CNTN6: variants seen among roughly 807,000 people sequenced by gnomAD.
CNTN6 encodes contactin-6.
Under a neutral mutation model 122.8 loss-of-function variants are expected in CNTN6, and 137 were observed. The observed-to-expected ratio is 1.12, with a 90% CI of 0.97 to 1.29. The LOEUF is 1.29. Among genes scored for constraint, CNTN6 ranks in the 50% most tolerant of loss-of-function variants. The pLI is 0.00. For synonymous variants in CNTN6, 570 were observed against 426.0 expected (o/e 1.34, Z -4.16); for missense variants, 1,634 against 1,223.4 (o/e 1.34, Z -5.01).
intron 4 of CNTN6, among the ~76,000 whole-genome samples, chr3:1,245,274 TACAC>T (rs1225069971): frequency 2.5e-4 from 1 of 4,004 alleles, no homozygotes; most frequent in Non-Finnish European, 4.2e-4. Context: ...TATATATATA[TACAC>T]ACACATATAT....
At chr3:1,165,016 T>G (rs1195826993) in intron 2 of CNTN6, among the ~76,000 whole-genome samples, 1 of 152,216 alleles carries the variant, frequency 6.6e-6, no homozygotes, top group Non-Finnish European at 1.5e-5. Flanking sequence ...TAATAAAGAC[T>G]GTTTCAGTGG....
intron 1 of CNTN6, among the ~76,000 whole-genome samples, chr3:1,109,137 C>A (rs986571819): frequency 6.6e-6 from 1 of 151,892 alleles, no homozygotes; most frequent in Non-Finnish European, 1.5e-5. Flanking sequence ...GGGGAAACAG[C>A]GTTTGCATTT....
intron 2 of CNTN6, among the ~76,000 whole-genome samples, chr3:1,158,879 C>T (rs71308000): frequency 0.27 from 21,443 of 79,516 alleles, 2,727 homozygotes; most frequent in East Asian, 0.54. Flanking sequence ...TATATATACA[C>T]ATATATACAC....
rs1487209403 is a variant in CNTN6 at position 1,245,223 on chromosome 3, T to TAAC, written c.358+17231_358+17232insACA. The stretch of plus-strand genomic sequence containing the variant: ...ATATATATATATATATATATATATA[T>TAAC]ATATATATATATACACACACACATA... On this transcript the variant is annotated intron_variant, in intron 4 of 22. Coordinates refer to ENST00000446702, the MANE Select transcript of CNTN6 (RefSeq NM_001289080.2). Among the ~76,000 whole-genome samples, 34 of 18,796 alleles carry TAAC rather than the reference T, an allele frequency of 1.8e-3. 2 individuals are homozygous for TAAC. Among genetic ancestry groups the TAAC allele is most frequent in the African/African-American group, 4.5e-3 (14 of 3,134 alleles). 12.3% of individuals were successfully genotyped at this position (18,796 alleles called of 152,430 possible).
At chr3:1,352,548 T>G (rs900280485) in intron 12 of CNTN6, 97 bp downstream of exon 12, 1 of 1,429,390 alleles carries the variant, frequency 7.0e-7, no homozygotes, top group Non-Finnish European at 9.6e-7. Flanking sequence ...ATATTGTGTA[T>G]GTAAAATTGT....
At chr3:1,335,353 A>G (rs1321472002) in intron 11 of CNTN6, among the ~76,000 whole-genome samples, 1 of 152,168 alleles carries the variant, frequency 6.6e-6, no homozygotes, top group Non-Finnish European at 1.5e-5. Context: ...GAAAATCAGG[A>G]TGAATTACAG....
intron 11 of CNTN6, among the ~76,000 whole-genome samples, chr3:1,338,737 C>T (rs1388286069): frequency 6.6e-6 from 1 of 152,112 alleles, no homozygotes; most frequent in Non-Finnish European, 1.5e-5. Context: ...ATTTTATAGA[C>T]AGAAAAGGTC....
intron 4 of CNTN6, among the ~76,000 whole-genome samples, chr3:1,245,219 T>TATAAC (rs2094547255): frequency 4.3e-5 from 1 of 23,116 alleles, no homozygotes; most frequent in Non-Finnish European, 7.2e-5. Context: ...TATATATATA[T>TATAAC]ATATATATAT....
At chr3:1,387,027 A>G (rs1405842453) in intron 20 of CNTN6, among the ~76,000 whole-genome samples, 1 of 151,272 alleles carries the variant, frequency 6.6e-6, no homozygotes, top group Non-Finnish European at 1.5e-5. Context: ...TCAGATATTC[A>G]TGTTCCAATT....
chr3:1,147,388 C>T (rs970965488), intron 1 of CNTN6, among the ~76,000 whole-genome samples: 9 of 152,122 alleles, frequency 5.9e-5, no homozygotes, highest in South Asian at 2.1e-4. Context: ...AATTGTTGAG[C>T]TTACCTACAT....
At chr3:1,294,697 C>G (rs1695908818) in intron 5 of CNTN6, among the ~76,000 whole-genome samples, 1 of 152,194 alleles carries the variant, frequency 6.6e-6, no homozygotes, top group Non-Finnish European at 1.5e-5. Context: ...TGCTTGTCGA[C>G]TCCTCCGTCA....
chr3:1,374,105 A>G (rs780718749), intron 16 of CNTN6, 32 bp downstream of exon 16: 6 of 1,596,788 alleles, frequency 3.8e-6, no homozygotes, highest in Middle Eastern at 1.7e-4. Context: ...AAAGTGTGGA[A>G]GATTTCGTAT....
At chr3:1,240,777 T>C (rs2094472661) in intron 4 of CNTN6, among the ~76,000 whole-genome samples, 1 of 151,974 alleles carries the variant, frequency 6.6e-6, no homozygotes, top group Non-Finnish European at 1.5e-5. Context: ...AAACAGACTT[T>C]GTGTGAGCAA....
At chr3:1,244,007 G>T (rs577645146) in intron 4 of CNTN6, among the ~76,000 whole-genome samples, 1 of 152,118 alleles carries the variant, frequency 6.6e-6, no homozygotes, top group African/African-American at 2.4e-5. Context: ...ATGCCTGGAC[G>T]TAAGGCACCT....
chr3:1,220,478 G>A (rs776227639), intron 2 of CNTN6, among the ~76,000 whole-genome samples: 2 of 152,054 alleles, frequency 1.3e-5, no homozygotes, highest in Non-Finnish European at 2.9e-5. Context: ...TTGTTTGTTG[G>A]AAATATAAAC....
At chr3:1,272,879 T>A (rs564162095) in intron 4 of CNTN6, among the ~76,000 whole-genome samples, 48 of 152,350 alleles carry the variant, frequency 3.2e-4, no homozygotes, top group African/African-American at 1.1e-3. Context: ...TACAATTAGA[T>A]GTTACAATAC....
At chr3:1,205,061 T>C (rs1019311249) in intron 2 of CNTN6, among the ~76,000 whole-genome samples, 1 of 152,028 alleles carries the variant, frequency 6.6e-6, no homozygotes, top group African/African-American at 2.4e-5. Context: ...CAGAGGAAAA[T>C]GTAACTATGG....
At chr3:1,281,560 A>AT (rs1220636572) in intron 5 of CNTN6, among the ~76,000 whole-genome samples, 1 of 150,878 alleles carries the variant, frequency 6.6e-6, no homozygotes, top group Non-Finnish European at 1.5e-5. Flanking sequence ...CGCCTCCCAG[A>AT]TTCAAGGGAT....
rs184896802 is a variant in CNTN6 at position 1,333,654 on chromosome 3, G to T, written c.1364+3719G>T. Reference sequence around the variant, plus strand: ...AATTTCATTGTCACTAACTCTTGCAGCCAATAAAGTATAACTACCTAGAGA... The same window carrying T: ...AATTTCATTGTCACTAACTCTTGCATCCAATAAAGTATAACTACCTAGAGA... On this transcript the variant is annotated intron_variant, in intron 11 of 22. Transcript: ENST00000446702. Among the ~76,000 whole-genome samples, 301 of 152,122 alleles carry T rather than the reference G, an allele frequency of 2.0e-3. 1 individual carries two copies. The highest frequency in any genetic ancestry group is 7.0e-3 in the African/African-American group (292 of 41,522).
Sources: allele counts gnomAD v4.1 joint callset (sites outside exome capture counted in the v4.1 genomes callset), GRCh38; gene constraint gnomAD v4.1.1; transcripts MANE v1.5; gene names NCBI Gene and HGNC (gene_info 2026-07-23, HGNC 2026-07-21).